RAB6A: variants seen among roughly 807,000 people sequenced by gnomAD.
RAB6A encodes ras-related protein Rab-6A.
RAB6A carries 8 observed loss-of-function variants against 32.3 expected under a neutral mutation model. The ratio of observed to expected loss-of-function variants is 0.25; its 90% CI spans 0.15 to 0.45. The LOEUF (loss-of-function observed/expected upper bound fraction) is 0.45, where lower values mean the gene tolerates loss of function less well. Ranked by LOEUF, RAB6A falls within the 20% of genes least tolerant of loss-of-function variation. The pLI is 1.00. For missense variants in RAB6A, 104 were observed against 249.4 expected (o/e 0.42, Z 3.93); for synonymous variants, 73 against 82.1 (o/e 0.89, Z 0.60).
At chr11:73,731,488 G>A (rs1480966523) in intron 1 of RAB6A, among the ~76,000 whole-genome samples, 3 of 131,638 alleles carry the variant, frequency 2.3e-5, no homozygotes, top group South Asian at 2.4e-4. Context: ...AGGTTGCAGT[G>A]AGCCGAGATC....
chr11:73,749,134 A>T (rs1185823558), intron 1 of RAB6A, among the ~76,000 whole-genome samples: 1 of 151,886 alleles, frequency 6.6e-6, no homozygotes, highest in Non-Finnish European at 1.5e-5. Flanking sequence ...TAAAAAAAGG[A>T]AAAAAAAGAA....
chr11:73,703,650 G>A (rs1945783007), intron 6 of RAB6A, among the ~76,000 whole-genome samples: 1 of 152,200 alleles, frequency 6.6e-6, no homozygotes, highest in Non-Finnish European at 1.5e-5. Flanking sequence ...GCTGAGGCAT[G>A]AGAATCACTT....
At chr11:73,716,124 A>G (rs761254187) in intron 5 of RAB6A, 127 bp downstream of exon 5, 4 of 617,122 alleles carry the variant, frequency 6.5e-6, no homozygotes, top group Non-Finnish European at 1.1e-5. Context: ...CATGCTAAAG[A>G]AAAGCAGGGG....
intron 6 of RAB6A, among the ~76,000 whole-genome samples, chr11:73,680,584 G>A (rs1197191964): frequency 1.3e-5 from 2 of 152,068 alleles, no homozygotes; most frequent in African/African-American, 2.4e-5. Context: ...CCTGGGAGGC[G>A]GAGGTTGCAG....
rs556526451 is a variant in RAB6A, at chr11:73,722,966, C to T, written c.130-2067G>A. Among the ~76,000 whole-genome samples, 20 of 152,122 alleles carry T rather than the reference C, an allele frequency of 1.3e-4. 1 individual carries two copies. In the South Asian group the frequency reaches 4.0e-3, roughly 30 times the overall value. ...GGATTACAGGCATTCACCACCAAGC[C>T]CAGCTACTTTTTGTATTTTTAGTAG... On this transcript the variant is annotated intron_variant, in intron 2 of 7. Transcript: ENST00000336083.
intron 2 of RAB6A, 113 bp downstream of exon 2, chr11:73,730,652 T>C (rs1241433518): frequency 9.9e-6 from 8 of 811,664 alleles, no homozygotes; most frequent in African/African-American, 3.5e-5. Flanking sequence ...ATTTTACAGA[T>C]TATAGAAAGT....
At chr11:73,703,781 T>A (rs528203763) in intron 6 of RAB6A, among the ~76,000 whole-genome samples, 39 of 148,444 alleles carry the variant, frequency 2.6e-4, no homozygotes, top group African/African-American at 7.2e-4. Context: ...AAATTAAAAG[T>A]AAGAAGGGCT....
At chr11:73,735,818 C>T (rs777268463) in intron 1 of RAB6A, among the ~76,000 whole-genome samples, 10 of 149,518 alleles carry the variant, frequency 6.7e-5, no homozygotes, top group South Asian at 4.2e-4. Context: ...GGCCCTCTTA[C>T]AGGATTTTGC....
At chr11:73,758,426 G>A (rs1279228356) in intron 1 of RAB6A, among the ~76,000 whole-genome samples, 1 of 152,038 alleles carries the variant, frequency 6.6e-6, no homozygotes, top group Non-Finnish European at 1.5e-5. Context: ...TAGATGTGTG[G>A]GTATATGGGA....
intron 5 of RAB6A, among the ~76,000 whole-genome samples, chr11:73,714,445 A>G (rs1451462781): frequency 1.3e-5 from 2 of 151,638 alleles, no homozygotes; most frequent in Non-Finnish European, 2.9e-5. Context: ...GCGGATCACA[A>G]GGTCAGGAGT....
intron 4 of RAB6A, among the ~76,000 whole-genome samples, chr11:73,717,069 C>A (rs1156297749): frequency 2.0e-5 from 3 of 152,108 alleles, no homozygotes; most frequent in Admixed American, 6.5e-5. Context: ...TTTAAAGCTA[C>A]AAAACGTGTC....
At chr11:73,748,551 C>T (rs1946627320) in intron 1 of RAB6A, among the ~76,000 whole-genome samples, 1 of 152,028 alleles carries the variant, frequency 6.6e-6, no homozygotes, top group South Asian at 2.1e-4. Flanking sequence ...CACTTTGGTA[C>T]AGAGGTTGGG....
At chr11:73,719,830 G>A (rs1387617924) in intron 3 of RAB6A, among the ~76,000 whole-genome samples, 2 of 151,904 alleles carry the variant, frequency 1.3e-5, no homozygotes, top group African/African-American at 4.8e-5. Flanking sequence ...TGGCCAGGCT[G>A]GTCTTCAACT....
intron 1 of RAB6A, among the ~76,000 whole-genome samples, chr11:73,736,489 A>C (rs1192917900): frequency 6.6e-6 from 1 of 151,306 alleles, no homozygotes; most frequent in South Asian, 2.1e-4. Context: ...GTATCTCCTA[A>C]TTGAAAACAA....
chr11:73,691,544 G>A (rs568706832), intron 6 of RAB6A, among the ~76,000 whole-genome samples: 1 of 152,266 alleles, frequency 6.6e-6, no homozygotes, highest in South Asian at 2.1e-4. Flanking sequence ...TTTCCCTCTA[G>A]ACTTTAAACT....
chr11:73,692,788 C>CAAAA (rs140762210), intron 6 of RAB6A, among the ~76,000 whole-genome samples: 1,601 of 98,074 alleles, frequency 0.016, 46 homozygotes, highest in East Asian at 0.025. Context: ...ACTAAAAATA[C>CAAAA]AAAAAAAAAA....
chr11:73,722,325 ATATATATATATATATATATTTTTTTTT>A (rs1263527845), intron 2 of RAB6A: 25 of 17,704 alleles, frequency 1.4e-3, no homozygotes, highest in East Asian at 3.2e-3. Flanking sequence ...ATATATATAT[ATATATATATATATATATATTTTTTTTT>A]TTTTTTTTTT....
intron 6 of RAB6A, among the ~76,000 whole-genome samples, chr11:73,705,083 G>C (rs1945816602): frequency 6.6e-6 from 1 of 152,140 alleles, no homozygotes; most frequent in African/African-American, 2.4e-5. Context: ...AGACATCAGT[G>C]GTGCTTACTG....
rs185981932 is a variant in RAB6A at position 73,682,435 on chromosome 11, G to A, written c.496-2715C>T. ...TCCCAGTACTTTGAGAGGCTGAGGC[G>A]GGTGGATCACGAGGTCAGGAGATCG... is the stretch of plus-strand genomic sequence containing the variant. On this transcript the variant is annotated intron_variant, in intron 6 of 7. Transcript: ENST00000336083. Among the ~76,000 whole-genome samples the A allele has an allele frequency of 5.4e-3, 821 of 152,268 alleles. 7 individuals carry two copies. The highest frequency in any genetic ancestry group is 0.018 in the African/African-American group (743 of 41,562).
Sources: allele counts gnomAD v4.1 joint callset (sites outside exome capture counted in the v4.1 genomes callset), GRCh38; gene constraint gnomAD v4.1.1; transcripts MANE v1.5; gene names NCBI Gene and HGNC (gene_info 2026-07-23, HGNC 2026-07-21).